Variants in FILIP1L observed in about 807,000 individuals in gnomAD.
FILIP1L encodes the protein filamin A interacting protein 1 like, also known as filamin A-interacting protein 1-like.
Under a neutral mutation model 96.6 loss-of-function variants are expected in FILIP1L, and 55 were observed. The ratio of observed to expected loss-of-function variants is 0.57; its 90% CI spans 0.46 to 0.71. The LOEUF (loss-of-function observed/expected upper bound fraction) is 0.71, where lower values mean the gene tolerates loss of function less well. FILIP1L is among the 30% of genes least tolerant of loss of function. FILIP1L has a pLI of 0.00. For synonymous variants in FILIP1L, 467 were observed against 473.9 expected, an observed-to-expected ratio of 0.99 and a Z score of 0.19; for missense variants, 1,304 against 1,321.2, an observed-to-expected ratio of 0.99 and a Z score of 0.20.
intron 5 of FILIP1L, among the ~76,000 whole-genome samples, chr3:99,835,563 A>T (rs1337614809): frequency 6.6e-6 from 1 of 152,196 alleles, no homozygotes; most frequent in Non-Finnish European, 1.5e-5. Context: ...ATGCCCAGAG[A>T]GCCTGTTAGG....
rs1382689594 is a variant in FILIP1L, at chr3:100,112,376, A to G, written c.-11+1677T>C. 2.6e-5 allele frequency among the ~76,000 whole-genome samples: 4 copies of G among 152,182 alleles called. No homozygotes were observed. In the South Asian group the frequency reaches 6.2e-4, roughly 24 times the overall value. ...TCCTTGGACCTGCCTGACTCTCGGC[A>G]AGTTGCAATGGCAGTCTCCTACAAT... is the stretch of plus-strand genomic sequence containing the variant. On this transcript the variant is annotated intron_variant, in intron 1 of 5. Transcript: ENST00000477258.
intron 1 of FILIP1L, among the ~76,000 whole-genome samples, chr3:100,063,953 A>G (rs2065616945): frequency 6.6e-6 from 1 of 152,240 alleles, no homozygotes; most frequent in African/African-American, 2.4e-5. Context: ...ACATACCGTC[A>G]GCCAAACCCA....
At chr3:100,043,854 T>C (rs570666748) in intron 1 of FILIP1L, among the ~76,000 whole-genome samples, 139 of 152,322 alleles carry the variant, frequency 9.1e-4, no homozygotes, top group African/African-American at 3.1e-3. Flanking sequence ...AAATATGCAG[T>C]ATGTTATTTT....
intron 1 of FILIP1L, among the ~76,000 whole-genome samples, chr3:100,074,196 A>G (rs1323153174): frequency 6.6e-6 from 1 of 152,198 alleles, no homozygotes; most frequent in Non-Finnish European, 1.5e-5. Flanking sequence ...CCTGCAGTGG[A>G]GTCCGAGAGC....
In FILIP1L at chr3:99,910,477, A is replaced by G. The variant is rs1389795768; in HGVS notation, c.605+13753T>C. Among the ~76,000 whole-genome samples the G allele has an allele frequency of 1.5e-5, 2 of 136,680 alleles. 1 individual carries two copies. Among genetic ancestry groups the G allele is most frequent in the Non-Finnish European group, 3.3e-5 (2 of 59,752 alleles). 89.7% of individuals were successfully genotyped at this position (136,680 alleles called of 152,430 possible). ...CCTATCACTGAGAGCTTTTAAAGTA[A>G]ACAAACACATGTCTTCACAGTTGTT... On this transcript the variant is annotated intron_variant, in intron 4 of 5. Transcript: ENST00000477258.
chr3:100,087,004 C>G (rs1361643998), intron 1 of FILIP1L, among the ~76,000 whole-genome samples: 1 of 152,168 alleles, frequency 6.6e-6, no homozygotes, highest in Non-Finnish European at 1.5e-5. Context: ...ACTTGAGATA[C>G]TATCCAAATT....
At chr3:100,083,766 G>T (rs1290018315) in intron 1 of FILIP1L, among the ~76,000 whole-genome samples, 3 of 152,084 alleles carry the variant, frequency 2.0e-5, no homozygotes, top group East Asian at 1.9e-4. Context: ...TAGAGAAGGG[G>T]GTCTCCCTAT....
At chr3:99,976,321 A>G (rs867058936) in intron 1 of FILIP1L, among the ~76,000 whole-genome samples, 28 of 152,226 alleles carry the variant, frequency 1.8e-4, no homozygotes, top group African/African-American at 6.5e-4. Context: ...AAATAATTAT[A>G]TAGAATTCAT....
chr3:100,030,109 C>T (rs1267160561), intron 1 of FILIP1L, among the ~76,000 whole-genome samples: 3 of 152,122 alleles, frequency 2.0e-5, no homozygotes, highest in Non-Finnish European at 4.4e-5. Context: ...AACGGAGACC[C>T]AACGAGCACC....
intron 5 of FILIP1L, among the ~76,000 whole-genome samples, chr3:99,838,552 C>A (rs1942991413): frequency 6.6e-6 from 1 of 152,152 alleles, no homozygotes; most frequent in Non-Finnish European, 1.5e-5. Context: ...AGGTGGAGCA[C>A]AAGGAGGTAA....
intron 1 of FILIP1L, among the ~76,000 whole-genome samples, chr3:100,052,373 G>T (rs564607094): frequency 2.0e-5 from 3 of 152,322 alleles, no homozygotes; most frequent in African/African-American, 7.2e-5. Flanking sequence ...ATTCCAGGGG[G>T]AACTTTTGTT....
intron 4 of FILIP1L, among the ~76,000 whole-genome samples, chr3:99,905,395 A>G (rs928225184): frequency 7.2e-5 from 11 of 152,174 alleles, no homozygotes; most frequent in Admixed American, 6.5e-5. Context: ...CCAGTCTTCT[A>G]ATTGCTCTTA....
chr3:100,088,729 T>A (rs537932116), intron 1 of FILIP1L, among the ~76,000 whole-genome samples: 1 of 152,134 alleles, frequency 6.6e-6, no homozygotes, highest in Admixed American at 6.5e-5. Context: ...TATTTTCTTG[T>A]CCTTGTGCCT....
At chr3:99,902,890 A>G (rs1213972414) in intron 4 of FILIP1L, among the ~76,000 whole-genome samples, 1 of 152,216 alleles carries the variant, frequency 6.6e-6, no homozygotes, top group African/African-American at 2.4e-5. Context: ...AAAAAAATCT[A>G]TGAAAGTGAT....
At chr3:100,036,861 C>T (rs574258120) in intron 1 of FILIP1L, among the ~76,000 whole-genome samples, 4 of 152,230 alleles carry the variant, frequency 2.6e-5, no homozygotes, top group East Asian at 3.9e-4. Context: ...CTTGATATTA[C>T]GCAGTGAGAA....
At chr3:100,040,885 A>T (rs2065193272) in intron 1 of FILIP1L, 1 of 152,232 alleles carries the variant, frequency 6.6e-6, no homozygotes, top group East Asian at 1.9e-4. Flanking sequence ...TGGATTATGC[A>T]TTTGAAAAAA....
Position 99,848,837 on chromosome 3 carries a change from T to G in FILIP1L, c.2839A>C (p.Thr947Pro). The G allele has an allele frequency of 6.2e-7, 1 of 1,614,130 alleles. No homozygotes were observed. Among genetic ancestry groups the G allele is most frequent in the Non-Finnish European group, 8.5e-7 (1 of 1,180,012 alleles). ...GTTATGGAGGCGTTTTGGAGGATGG[T>G]TATCCTTTGCTTTGGCGTGCCACAG... ...PNCGTPKQRITILQNASITPV... is the reference protein window; with the variant it reads ...PNCGTPKQRIPILQNASITPV... Residue 947 changes from threonine (T) to proline (P), a missense_variant, in exon 5 of 6, where the codon ACC becomes CCC. Physicochemically the swap from Thr to Pro is conservative, Grantham distance 38. Coordinates refer to ENST00000477258, the MANE Select transcript of FILIP1L (RefSeq NM_001387850.1).
At chr3:99,886,098 T>A (rs1171755960) in intron 4 of FILIP1L, among the ~76,000 whole-genome samples, 1 of 152,136 alleles carries the variant, frequency 6.6e-6, no homozygotes, top group African/African-American at 2.4e-5. Context: ...AACAGAACAC[T>A]CTATGTGTGC....
intron 1 of FILIP1L, among the ~76,000 whole-genome samples, chr3:100,108,248 A>G (rs999295204): frequency 1.3e-5 from 2 of 152,144 alleles, no homozygotes; most frequent in African/African-American, 4.8e-5. Flanking sequence ...AGCCTTTCAG[A>G]AGGAACTGAC....
Sources: allele counts gnomAD v4.1 joint callset (sites outside exome capture counted in the v4.1 genomes callset), GRCh38; gene constraint gnomAD v4.1.1; transcripts MANE v1.5; gene names NCBI Gene and HGNC (gene_info 2026-07-23, HGNC 2026-07-21).